CERS6: variants seen among roughly 807,000 people sequenced by gnomAD.
CERS6 encodes LAG1 homolog, ceramide synthase 6.
Under a neutral mutation model 56.8 loss-of-function variants are expected in CERS6, and 26 were observed. The observed-to-expected ratio is 0.46, with a 90% CI of 0.34 to 0.63. The LOEUF (loss-of-function observed/expected upper bound fraction) is 0.63, where lower values mean the gene tolerates loss of function less well. Ranked by LOEUF, CERS6 falls within the 30% of genes least tolerant of loss-of-function variation. The pLI, the probability that CERS6 is intolerant of heterozygous loss-of-function variation, is 0.01. For missense variants in CERS6, 415 were observed against 467.5 expected (o/e 0.89, Z 1.04); for synonymous variants, 164 against 173.3 (o/e 0.95, Z 0.42).
intron 4 of CERS6, among the ~76,000 whole-genome samples, chr2:168,667,331 C>A (rs1348959496): frequency 6.6e-6 from 1 of 152,160 alleles, no homozygotes; most frequent in Non-Finnish European, 1.5e-5. Context: ...GGTAAAGTGG[C>A]CATTGTGTTC....
intron 3 of CERS6, among the ~76,000 whole-genome samples, chr2:168,583,858 G>A (rs1173953321): frequency 6.6e-6 from 1 of 152,218 alleles, no homozygotes; most frequent in African/African-American, 2.4e-5. Context: ...TCGAGGCCTT[G>A]TGAATATTCT....
intron 1 of CERS6, among the ~76,000 whole-genome samples, chr2:168,491,316 T>A (rs1473304346): frequency 6.6e-6 from 1 of 152,256 alleles, no homozygotes; most frequent in Non-Finnish European, 1.5e-5. Flanking sequence ...CATGTTTGGC[T>A]GTTTTTCATT....
chr2:168,738,623 C>A (rs902673474), intron 8 of CERS6, among the ~76,000 whole-genome samples: 5 of 152,138 alleles, frequency 3.3e-5, no homozygotes, highest in African/African-American at 1.2e-4. Context: ...TAAAATGGAA[C>A]ATTATAACTT....
At chr2:168,565,311 G>T (rs1331464346) in intron 3 of CERS6, among the ~76,000 whole-genome samples, 1 of 152,126 alleles carries the variant, frequency 6.6e-6, no homozygotes, top group Non-Finnish European at 1.5e-5. Context: ...ACGTGCCCGA[G>T]CCCCATCCCA....
At chr2:168,633,204 C>G (rs1244301759) in intron 4 of CERS6, among the ~76,000 whole-genome samples, 1 of 149,444 alleles carries the variant, frequency 6.7e-6, no homozygotes, top group East Asian at 2.0e-4. Flanking sequence ...GAAAGAAGAA[C>G]TAGACACTGT....
Position 168,630,973 on chromosome 2 carries a change from A to G in CERS6, c.408-12A>G. ...AACTGAATGTCACAGATTTTTTTTT[A>G]ACCTTCTACAGGTGGAGATTTTCAT... On this transcript the variant is annotated splice_polypyrimidine_tract_variant and intron_variant, in intron 3 of 9. Transcript: ENST00000305747. The G allele has an allele frequency of 7.1e-7, 1 of 1,405,836 alleles. No homozygotes were observed. Among genetic ancestry groups the G allele is most frequent in the Non-Finnish European group, 9.8e-7 (1 of 1,018,568 alleles). 87.1% of individuals were successfully genotyped at this position (1,405,836 alleles called of 1,614,324 possible).
chr2:168,632,127 C>G (rs1222359251), intron 4 of CERS6, among the ~76,000 whole-genome samples: 1 of 151,622 alleles, frequency 6.6e-6, no homozygotes, highest in Non-Finnish European at 1.5e-5. Context: ...GGTTAGACTC[C>G]TTAAATAAAA....
chr2:168,733,068 G>T (rs578208590), intron 8 of CERS6, among the ~76,000 whole-genome samples: 1 of 152,050 alleles, frequency 6.6e-6, no homozygotes, highest in Non-Finnish European at 1.5e-5. Flanking sequence ...GCTTCTTTTC[G>T]TAATTAAATG....
intron 8 of CERS6, among the ~76,000 whole-genome samples, chr2:168,724,854 G>C (rs1189902278): frequency 6.6e-6 from 1 of 152,250 alleles, no homozygotes; most frequent in Non-Finnish European, 1.5e-5. Flanking sequence ...TCCCCCACCG[G>C]GGCTGCAGGT....
rs946809240 is a variant in CERS6 at position 168,670,971 on chromosome 2, C to CG, written c.466-20063_466-20062insG. On this transcript the variant is annotated intron_variant, in intron 4 of 9. Coordinates refer to ENST00000305747, the MANE Select transcript of CERS6 (RefSeq NM_203463.3). ...GCAGGTGCTGGATACATGCTTCCCC[C>CG]CCCCCCCCCAGACGGAAGCTTGCTC... Among the ~76,000 whole-genome samples the CG allele has an allele frequency of 2.6e-4, 15 of 57,000 alleles. 2 individuals carry two copies. Among genetic ancestry groups the CG allele is most frequent in the South Asian group, 9.5e-4 (1 of 1,058 alleles). 37.4% of individuals were successfully genotyped at this position (57,000 alleles called of 152,430 possible).
chr2:168,552,347 T>TACACAC lies in CERS6; in HGVS notation c.276+4647_276+4648insCACACA, dbSNP rs1491492317. On this transcript the variant is annotated intron_variant, in intron 2 of 9. Transcript: ENST00000305747. ...AGAAACCCCCACCCTACATACAGAGTATACACACACACACACACACACACA... is the reference window on the plus strand; with the variant it reads ...AGAAACCCCCACCCTACATACAGAGTACACACATACACACACACACACACACACACA... Among the ~76,000 whole-genome samples, 13 of 62,990 alleles carry TACACAC rather than the reference T, an allele frequency of 2.1e-4. No individual in the cohort carries two copies. The South Asian group carries it at 5.0e-3, about 24-fold the overall frequency. 41.3% of individuals were successfully genotyped at this position (62,990 alleles called of 152,430 possible). A position where few individuals can be genotyped will look rare whatever the true frequency, so the allele number is the denominator to read the frequency against.
At chr2:168,629,966 G>A (rs1180558664) in intron 3 of CERS6, among the ~76,000 whole-genome samples, 3 of 151,826 alleles carry the variant, frequency 2.0e-5, no homozygotes, top group Non-Finnish European at 2.9e-5. Context: ...ATAGACGCCC[G>A]CCACTAAGCC....
chr2:168,510,756 A>G (rs1414111338), intron 1 of CERS6, among the ~76,000 whole-genome samples: 2 of 152,152 alleles, frequency 1.3e-5, no homozygotes, highest in East Asian at 1.9e-4. Context: ...TATCATTACT[A>G]TCATCTTGGC....
chr2:168,556,991 CAAAAAAAAAA>C (rs71003046), intron 2 of CERS6, among the ~76,000 whole-genome samples: 2 of 82,320 alleles, frequency 2.4e-5, no homozygotes, highest in East Asian at 5.4e-4. Context: ...CTTGTCTCTA[CAAAAAAAAAA>C]AAAAAAAAAA....
intron 3 of CERS6, among the ~76,000 whole-genome samples, chr2:168,627,299 C>A (rs1048651884): frequency 6.6e-6 from 1 of 152,102 alleles, no homozygotes; most frequent in Non-Finnish European, 1.5e-5. Context: ...TAACCATAGT[C>A]TTTTTATGCT....
At position 168,773,810 on chromosome 2, in the gene CERS6, T is replaced by G. The variant is rs1159255455; in HGVS notation, c.*4148T>G. 1.3e-5 allele frequency: 2 copies of G among 152,176 alleles called. No homozygotes were observed. Among genetic ancestry groups the G allele is most frequent in the African/African-American group, 4.8e-5 (2 of 41,412 alleles). 9.4% of individuals were successfully genotyped at this position (152,176 alleles called of 1,614,324 possible). A position where few individuals can be genotyped will look rare whatever the true frequency, so the allele number is the denominator to read the frequency against. ...GGTTCACTGGCCACATTTTAGTTCT[T>G]CATAATAATAGGCCACAAAAGGGCT... On this transcript the variant is annotated 3_prime_UTR_variant, in exon 10 of 10. Coordinates refer to ENST00000305747, the MANE Select transcript of CERS6 (RefSeq NM_203463.3).
intron 8 of CERS6, among the ~76,000 whole-genome samples, chr2:168,738,499 T>C (rs1309142447): frequency 6.6e-6 from 1 of 152,316 alleles, no homozygotes; most frequent in African/African-American, 2.4e-5. Flanking sequence ...ACTATGGAAG[T>C]TTGGAACTTC....
chr2:168,766,384 T>G, intron 9 of CERS6: 1 of 1,583,030 alleles, frequency 6.3e-7, no homozygotes, highest in Non-Finnish European at 8.6e-7. Context: ...CTGTCCTGAG[T>G]GCCTCTTGCC....
Position 168,769,754 on chromosome 2 carries a change from A to C in CERS6, c.*92A>C. The C allele has an allele frequency of 2.3e-6, 3 of 1,327,712 alleles. No homozygotes were observed. The highest frequency in any genetic ancestry group is 3.2e-6 in the Non-Finnish European group (3 of 943,886). 82.2% of individuals were successfully genotyped at this position (1,327,712 alleles called of 1,614,324 possible). ...AATGCAGTTCCTTTCATAATATCTC[A>C]GCACCAGAAACAAAAATTAAGATTA... On this transcript the variant is annotated 3_prime_UTR_variant, in exon 10 of 10. Transcript: ENST00000305747.
Sources: gnomAD v4.1 joint callset for allele counts (sites outside exome capture counted in the v4.1 genomes callset) on GRCh38, gnomAD v4.1.1 for gene constraint, MANE v1.5 for transcripts, NCBI Gene and HGNC (gene_info 2026-07-23, HGNC 2026-07-21) for gene names.